SLC4A2: variants seen among roughly 807,000 people sequenced by gnomAD.
SLC4A2 encodes anion exchange protein 2.
In SLC4A2, 36 loss-of-function variants were observed where a neutral mutation model predicts 115.0. That is an observed-to-expected ratio of 0.31 (90% CI 0.24 to 0.41). The LOEUF (loss-of-function observed/expected upper bound fraction) is 0.41. Among genes scored for constraint, SLC4A2 ranks in the 10% least tolerant of loss-of-function variants. The pLI is 1.00. For missense variants in SLC4A2, 1,252 were observed against 1,705.6 expected (o/e 0.73, Z 4.68); for synonymous variants, 708 against 708.3 (o/e 1.00, Z 0.01).
chr7:151,074,717 AAG>A lies in SLC4A2; in HGVS notation c.2926_2927del (p.Arg976GlyfsTer155). On this transcript the variant is annotated frameshift_variant, in exon 19 of 23. Transcript: ENST00000413384. LOFTEE classifies it high-confidence loss of function. ...TGGATTCTCGGTGACTGCCCCAGAAAAGAGGGGCTGGGTCATCAACCCCCTGG... is the reference window on the plus strand; with the variant it reads ...TGGATTCTCGGTGACTGCCCCAGAAAAGGGGCTGGGTCATCAACCCCCTGG... ...PSGFSVTAPEKRGWVINPLGE... is the reference protein window; with the variant it reads ...PSGFSVTAPEXRGWVINPLGE... The A allele has an allele frequency of 1.9e-6, 3 of 1,607,992 alleles. No homozygotes were observed. Among genetic ancestry groups the A allele is most frequent in the Non-Finnish European group, 2.5e-6 (3 of 1,177,984 alleles).
At chr7:151,067,747 T>C in intron 7 of SLC4A2, 127 bp from the exon 8 acceptor site, 1 of 706,908 alleles carries the variant, frequency 1.4e-6, no homozygotes, top group Non-Finnish European at 2.4e-6. Flanking sequence ...GGTGCGCCTG[T>C]GCACCACCCA....
At chr7:151,062,768 G>T in intron 2 of SLC4A2, 5 of 1,370,068 alleles carry the variant, frequency 3.6e-6, no homozygotes, top group Non-Finnish European at 4.7e-6. Context: ...GGGGCTGGGC[G>T]CTTAGGGGAG....
chr7:151,066,109 AG>A (rs1165411507), intron 5 of SLC4A2, among the ~76,000 whole-genome samples: 1 of 152,054 alleles, frequency 6.6e-6, no homozygotes, highest in African/African-American at 2.4e-5. Context: ...CCAGGGGGTG[AG>A]GGGGCAGGGG....
chr7:151,064,633 C>A lies in SLC4A2; in HGVS notation c.325C>A (p.Arg109Ser). The part of the protein sequence containing the change: ...PQGPGRKPRR[R>S]PGASPTGETP... ...GGGCCCAGGACGGAAGCCTCGAAGG[C>A]GCCCGGGAGCCTCCCCGACTGGAGA... The change falls in exon 4 of 23, where the codon CGC becomes AGC. Residue 109 changes from arginine to serine, a missense_variant. Physicochemically the swap from Arg to Ser is moderately radical, Grantham distance 110. This residue lies in a region of SLC4A2 where 215 missense variants were observed against 205.2 expected (regional missense o/e 1.05). Transcript: ENST00000413384. 6.2e-7 allele frequency: 1 copy of A among 1,613,630 alleles called. No homozygotes were observed. Among genetic ancestry groups the A allele is most frequent in the East Asian group, 2.2e-5 (1 of 44,880 alleles).
chr7:151,074,352 C>T (rs567125809), intron 17 of SLC4A2, 47 bp from the exon 18 acceptor site: 8 of 1,611,462 alleles, frequency 5.0e-6, no homozygotes, highest in Non-Finnish European at 5.9e-6. Flanking sequence ...GGCAGGAAGT[C>T]AGCGGCTGTG....
intron 5 of SLC4A2, among the ~76,000 whole-genome samples, 179 bp from the exon 6 acceptor site, chr7:151,066,338 G>A (rs900455061): frequency 4.6e-5 from 7 of 152,220 alleles, no homozygotes; most frequent in Admixed American, 3.3e-4. Context: ...GCTGGGGTTC[G>A]GATGCTGGCA....
At chr7:151,076,212 G>T in intron 22 of SLC4A2, 26 bp downstream of exon 22, 1 of 1,608,908 alleles carries the variant, frequency 6.2e-7, no homozygotes, top group Non-Finnish European at 8.5e-7. Context: ...TGCCTCCCCC[G>T]GTTCCTCTTG....
intron 7 of SLC4A2, among the ~76,000 whole-genome samples, 199 bp downstream of exon 7, chr7:151,067,192 G>A (rs41282736): frequency 0.074 from 11,274 of 152,230 alleles, 683 homozygotes; most frequent in African/African-American, 0.16. Flanking sequence ...GGGTTTAAGC[G>A]ATTCTCCTGC....
In SLC4A2 at chr7:151,071,278, C is replaced by G. The variant is rs1374290405; in HGVS notation, c.1956C>G (p.Pro652=). Residue 652 remains proline, a synonymous_variant, in exon 13 of 23, where the codon CCC becomes CCG. Transcript: ENST00000413384. The surrounding 1 kb of genome is among the most constrained non-coding windows in gnomAD (Gnocchi z 5.5). ...RLLPTGAGLE[P]KSAQDKALLQ... is the part of the protein sequence containing the mutation. Reference sequence around the variant, plus strand: ...TACCTACAGGGGCTGGGCTGGAGCCCAAATCTGCCCAAGATAAGGGTACGG... The same window carrying G: ...TACCTACAGGGGCTGGGCTGGAGCCGAAATCTGCCCAAGATAAGGGTACGG... 1 of 1,556,606 alleles carries G rather than the reference C, an allele frequency of 6.4e-7. No homozygotes were observed. Among genetic ancestry groups the G allele is most frequent in the Non-Finnish European group, 8.7e-7 (1 of 1,151,864 alleles).
chr7:151,069,843 C>A, intron 8 of SLC4A2, 104 bp from the exon 9 acceptor site: 2 of 1,411,576 alleles, frequency 1.4e-6, no homozygotes, highest in Non-Finnish European at 2.0e-6. Flanking sequence ...GGTGTTCCAG[C>A]CCCGGCACCC....
intron 2 of SLC4A2, chr7:151,062,978 C>A: frequency 7.1e-7 from 1 of 1,417,168 alleles, no homozygotes; most frequent in South Asian, 1.5e-5. Context: ...CTGCATACCC[C>A]CGCCCTTGGA....
In SLC4A2 at chr7:151,074,119, C is replaced by A; in HGVS notation, c.2616C>A (p.Ala872=). The A allele has an allele frequency of 6.2e-7, 1 of 1,612,004 alleles. No homozygotes were observed. The highest frequency in any genetic ancestry group is 8.5e-7 in the Non-Finnish European group (1 of 1,179,596). The change falls in exon 17 of 23, where the codon GCC becomes GCA. Residue 872 remains alanine, a synonymous_variant. Transcript: ENST00000413384. The part of the protein sequence containing the change: ...EVDGGENMTW[A]GARPTLGPGN... ...ACGGCGGTGAGAACATGACATGGGC[C>A]GGGGCAAGACCCACGCTGGGGCCGG...
In SLC4A2 at chr7:151,071,048, C is replaced by A; in HGVS notation, c.1750-24C>A. The A allele has an allele frequency of 1.2e-6, 2 of 1,611,456 alleles. No homozygotes were observed. The highest frequency in any genetic ancestry group is 1.1e-5 in the South Asian group (1 of 90,948). On this transcript the variant is annotated intron_variant, in intron 12 of 22. Coordinates refer to ENST00000413384, the MANE Select transcript of SLC4A2 (RefSeq NM_003040.4). This position sits in a 1 kb window ranked among gnomAD's most constrained non-coding sequence, Gnocchi z 5.5. ...CTCAGCCCTCTTCTTTGTGCTCTCC[C>A]CCATCCCCATGCTGCTTTGGCAGCA...
Position 151,060,672 on chromosome 7 carries a change from G to A in SLC4A2, c.-64+910G>A, listed in dbSNP as rs1797014912. Among the ~76,000 whole-genome samples the A allele has an allele frequency of 6.6e-6, 1 of 152,158 alleles. No homozygotes were observed. Among genetic ancestry groups the A allele is most frequent in the Non-Finnish European group, 1.5e-5 (1 of 68,018 alleles). ...GGAGTGGGCGCCTGCAGGTGCTCTG[G>A]GCGGACTCTCCCCACACCCTTCCCA... On this transcript the variant is annotated intron_variant, in intron 1 of 22. Transcript: ENST00000413384. This position sits in a 1 kb window ranked among gnomAD's most constrained non-coding sequence, Gnocchi z 5.9.
chr7:151,067,291 G>A (rs1382902783), intron 7 of SLC4A2, among the ~76,000 whole-genome samples: 1 of 152,182 alleles, frequency 6.6e-6, no homozygotes, highest in Non-Finnish European at 1.5e-5. Context: ...TTACCATGTT[G>A]GCCAGGCTGG....
At chr7:151,064,072 C>A in intron 2 of SLC4A2, 130 bp from the exon 3 acceptor site, 1 of 865,034 alleles carries the variant, frequency 1.2e-6, no homozygotes, top group Non-Finnish European at 1.8e-6. Context: ...GCATATAGAG[C>A]CACCAGCATT....
Position 151,065,946 on chromosome 7 carries a change from G to T in SLC4A2, c.579-571G>T, listed in dbSNP as rs973545626. 3.3e-5 allele frequency among the ~76,000 whole-genome samples: 5 copies of T among 152,260 alleles called. No individual in the cohort carries two copies. In the East Asian group the frequency reaches 9.7e-4, roughly 29 times the overall value. On this transcript the variant is annotated intron_variant, in intron 5 of 22. Coordinates refer to ENST00000413384, the MANE Select transcript of SLC4A2 (RefSeq NM_003040.4). ...CCCAGTGTGGCAGAGAGAAGGGAGA[G>T]AGCAGAAGCTGGCGTCTGTGAAGCC...
At chr7:151,067,097 T>C in intron 7 of SLC4A2, 104 bp downstream of exon 7, 1 of 1,232,676 alleles carries the variant, frequency 8.1e-7, no homozygotes, top group South Asian at 1.5e-5. Flanking sequence ...CACTGTTGTT[T>C]TGTTGTTGTT....
In SLC4A2 at chr7:151,066,979, C is replaced by A. The variant is rs376881281; in HGVS notation, c.952C>A (p.His318Asn). Residue 318 changes from histidine (H) to asparagine (N), a missense_variant, in exon 7 of 23, where the codon CAC (histidine) becomes AAC (asparagine). This residue lies in a region of SLC4A2 where 48 missense variants were observed against 44.4 expected (regional missense o/e 1.08). Coordinates refer to ENST00000413384, the MANE Select transcript of SLC4A2 (RefSeq NM_003040.4). ...ACCTCGGGCCCGACCCCGGGCCCCCCACAAGCCCCATGAGGTACCATGCTC... is the reference window on the plus strand; with the variant it reads ...ACCTCGGGCCCGACCCCGGGCCCCCAACAAGCCCCATGAGGTACCATGCTC... ...PTPRARPRAPHKPHEVFVELN... is the reference protein window; with the variant it reads ...PTPRARPRAPNKPHEVFVELN... 6 of 1,602,434 alleles carry A rather than the reference C, an allele frequency of 3.7e-6. No homozygotes were observed. The South Asian group carries it at 5.6e-5, about 15-fold the overall frequency.
Sources: gnomAD v4.1 joint callset for allele counts (sites outside exome capture counted in the v4.1 genomes callset) on GRCh38, gnomAD v4.1.1 for gene constraint, gnomAD v4.1.1 regional missense constraint, Gnocchi (gnomAD v3.1) non-coding constraint, MANE v1.5 for transcripts, NCBI Gene and HGNC (gene_info 2026-07-23, HGNC 2026-07-21) for gene names.